Variants in CADM1 observed in about 807,000 individuals in gnomAD.
CADM1 encodes cell adhesion molecule 1, also known as TSLC-1.
Under a neutral mutation model 53.1 loss-of-function variants are expected in CADM1, and 15 were observed. That is an observed-to-expected ratio of 0.28 (90% confidence interval 0.19 to 0.44). The LOEUF (loss-of-function observed/expected upper bound fraction) is 0.44, where lower values mean the gene tolerates loss of function less well. CADM1 is among the 20% of genes least tolerant of loss of function. The pLI, the probability that CADM1 is intolerant of heterozygous loss-of-function variation, is 1.00. For synonymous variants in CADM1, 281 were observed against 243.0 expected (o/e 1.16, Z -1.45); for missense variants, 434 against 611.3 (o/e 0.71, Z 3.06).
chr11:115,364,355 A>G (rs1358571396), intron 1 of CADM1, among the ~76,000 whole-genome samples: 1 of 152,096 alleles, frequency 6.6e-6, no homozygotes, highest in African/African-American at 2.4e-5. Context: ...CCCAATTAAC[A>G]TTCTCTCCTA....
chr11:115,247,417 A>T (rs184745642), intron 1 of CADM1, among the ~76,000 whole-genome samples: 1 of 152,218 alleles, frequency 6.6e-6, no homozygotes, highest in African/African-American at 2.4e-5. Flanking sequence ...GAGGACATTA[A>T]TTTTAAAAGC....
intron 1 of CADM1, among the ~76,000 whole-genome samples, chr11:115,425,037 CTG>C (rs2135279869): frequency 6.6e-6 from 1 of 152,202 alleles, no homozygotes; most frequent in East Asian, 1.9e-4. Flanking sequence ...CTTAAGAAGA[CTG>C]TGGTTAGAAT....
chr11:115,415,153 T>G (rs1003747745), intron 1 of CADM1, among the ~76,000 whole-genome samples: 1 of 152,200 alleles, frequency 6.6e-6, no homozygotes, highest in Non-Finnish European at 1.5e-5. Flanking sequence ...TCTCTTAACC[T>G]CTGACAGTTT....
chr11:115,429,774 T>C (rs755932613), intron 1 of CADM1, among the ~76,000 whole-genome samples: 2 of 152,170 alleles, frequency 1.3e-5, no homozygotes, highest in Non-Finnish European at 1.5e-5. Context: ...AATAAAAAAT[T>C]AGAAGTAGAT....
At chr11:115,381,122 C>T (rs1438612515) in intron 1 of CADM1, among the ~76,000 whole-genome samples, 2 of 151,802 alleles carry the variant, frequency 1.3e-5, no homozygotes, top group African/African-American at 4.8e-5. Context: ...TGGTGAAACC[C>T]CATCTCTACT....
chr11:115,439,541 G>C (rs967314159), intron 1 of CADM1, among the ~76,000 whole-genome samples: 30 of 152,216 alleles, frequency 2.0e-4, no homozygotes, highest in Middle Eastern at 3.2e-3. Flanking sequence ...GACGTGTGCT[G>C]TTGACAGACT....
intron 1 of CADM1, among the ~76,000 whole-genome samples, chr11:115,430,152 A>G (rs1436639240): frequency 5.3e-5 from 8 of 152,200 alleles, no homozygotes; most frequent in Admixed American, 5.2e-4. Flanking sequence ...TAGAAAGAGG[A>G]GAAGATACAA....
At chr11:115,263,928 C>G (rs1214181040) in intron 1 of CADM1, among the ~76,000 whole-genome samples, 2 of 152,204 alleles carry the variant, frequency 1.3e-5, no homozygotes, top group Admixed American at 1.3e-4. Context: ...TGCTATAGTA[C>G]TATGTCTATA....
chr11:115,437,442 A>C (rs1474897630), intron 1 of CADM1, among the ~76,000 whole-genome samples: 1 of 152,228 alleles, frequency 6.6e-6, no homozygotes, highest in Non-Finnish European at 1.5e-5. Context: ...AAAAACTGCC[A>C]GTTGTTTCCC....
At chr11:115,315,188 A>T (rs1393488204) in intron 1 of CADM1, among the ~76,000 whole-genome samples, 2 of 152,308 alleles carry the variant, frequency 1.3e-5, no homozygotes, top group East Asian at 3.9e-4. Flanking sequence ...GGAGGGAGGA[A>T]GAGAAAAAAA....
chr11:115,338,435 G>A (rs1207286458), intron 1 of CADM1, among the ~76,000 whole-genome samples: 1 of 152,104 alleles, frequency 6.6e-6, no homozygotes, highest in Admixed American at 6.6e-5. Flanking sequence ...AAATTTTAGA[G>A]AAACTACCAT....
At position 115,260,875 on chromosome 11, in the gene CADM1, C is replaced by T. The variant is rs1018014601; in HGVS notation, c.125-20455G>A. On this transcript the variant is annotated intron_variant, in intron 1 of 11. Coordinates refer to ENST00000331581, the MANE Select transcript of CADM1 (RefSeq NM_001301043.2). ...TTTTTTAGTGGAGACGGGGTTTCAC[C>T]GTGTTAGCCAGGATGGTCTTGATCT... Among the ~76,000 whole-genome samples, 3 of 151,812 alleles carry T rather than the reference C, an allele frequency of 2.0e-5. No homozygotes were observed. In the East Asian group the frequency reaches 5.8e-4, roughly 30 times the overall value.
intron 11 of CADM1, among the ~76,000 whole-genome samples, chr11:115,176,811 G>A (rs1939053083): frequency 6.6e-6 from 1 of 152,206 alleles, no homozygotes; most frequent in Admixed American, 6.5e-5. Context: ...ATATAATTCA[G>A]CAAATGAGAC....
At chr11:115,449,764 A>G (rs544086) in intron 1 of CADM1, among the ~76,000 whole-genome samples, 131,963 of 151,882 alleles carry the variant, frequency 0.87, 57,558 homozygotes, top group East Asian at 0.99. Flanking sequence ...TAACAGAGGA[A>G]TATTTCAAAA....
At chr11:115,231,588 T>A in intron 3 of CADM1, 98 bp from the exon 4 acceptor site, 1 of 1,141,928 alleles carries the variant, frequency 8.8e-7, no homozygotes, top group Non-Finnish European at 1.3e-6. Flanking sequence ...GATGGGAATT[T>A]AAATCATCAC....
chr11:115,446,150 T>A (rs890710094), intron 1 of CADM1, among the ~76,000 whole-genome samples: 1 of 152,158 alleles, frequency 6.6e-6, no homozygotes, highest in African/African-American at 2.4e-5. Flanking sequence ...ATAGAACACC[T>A]ACTATGTGCT....
intron 1 of CADM1, among the ~76,000 whole-genome samples, chr11:115,379,219 GT>G (rs1199114546): frequency 4.2e-4 from 64 of 152,198 alleles, no homozygotes; most frequent in African/African-American, 1.5e-3. Flanking sequence ...GCTGAATCAG[GT>G]TAGGGTTGCT....
At chr11:115,302,568 G>A (rs912536492) in intron 1 of CADM1, among the ~76,000 whole-genome samples, 5 of 151,994 alleles carry the variant, frequency 3.3e-5, no homozygotes, top group African/African-American at 1.2e-4. Context: ...GCTTTGTAAA[G>A]TTTGTACTTT....
At chr11:115,410,804 G>GGCATACAGCAGTGTTGCTC (rs1428721178) in intron 1 of CADM1, among the ~76,000 whole-genome samples, 1 of 152,098 alleles carries the variant, frequency 6.6e-6, no homozygotes, top group Admixed American at 6.6e-5. Context: ...GGGTGTGGCT[G>GGCATACAGCAGTGTTGCTC]GCATACAGCA....
Sources: allele counts gnomAD v4.1 joint callset (sites outside exome capture counted in the v4.1 genomes callset), GRCh38; gene constraint gnomAD v4.1.1; transcripts MANE v1.5; gene names NCBI Gene and HGNC (gene_info 2026-07-23, HGNC 2026-07-21).